The following WWC2 variants were observed in gnomAD, a reference collection of about 807,000 sequenced individuals.
WWC2 encodes the protein protein WWC2.
WWC2 carries 101 observed loss-of-function variants against 138.5 expected under a neutral mutation model. That is an observed-to-expected ratio of 0.73 (90% CI 0.62 to 0.86). WWC2 has a LOEUF of 0.86. Ranked by LOEUF, WWC2 falls within the 40% of genes least tolerant of loss-of-function variation. The pLI, the probability that WWC2 is intolerant of heterozygous loss-of-function variation, is 0.00. For synonymous variants in WWC2, 558 were observed against 538.4 expected (o/e 1.04, Z -0.50); for missense variants, 1,420 against 1,419.4 (o/e 1.00, Z -0.01).
In WWC2 at chr4:183,317,930, T is replaced by C. The variant is rs185536982; in HGVS notation, c.*2201T>C. ...CATGAGAGATGAACTTATTTTAATATAATCCTTTTTCTACACTTTAAAAGT... is the reference window on the plus strand; with the variant it reads ...CATGAGAGATGAACTTATTTTAATACAATCCTTTTTCTACACTTTAAAAGT... On this transcript the variant is annotated 3_prime_UTR_variant, in exon 23 of 23. Coordinates refer to ENST00000403733, the MANE Select transcript of WWC2 (RefSeq NM_024949.6). The C allele has an allele frequency of 6.6e-6, 1 of 152,306 alleles. No individual in the cohort carries two copies. The highest frequency in any genetic ancestry group is 1.9e-4 in the East Asian group (1 of 5,188). 9.4% of individuals were successfully genotyped at this position (152,306 alleles called of 1,614,324 possible). A position where few individuals can be genotyped will look rare whatever the true frequency, so the allele number is the denominator to read the frequency against.
In WWC2 at chr4:183,310,593, C is replaced by T. The variant is rs117503648; in HGVS notation, c.3385-1748C>T. The stretch of plus-strand genomic sequence containing the variant: ...ATAGCTCACTGCAGCCTTAAACTCC[C>T]AGGCTCAAGTGATCCTTTCACCTCA... On this transcript the variant is annotated intron_variant, in intron 21 of 22. Transcript: ENST00000403733. Among the ~76,000 whole-genome samples, 46 of 151,980 alleles carry T rather than the reference C, an allele frequency of 3.0e-4. No individual in the cohort carries two copies. In the East Asian group the frequency reaches 8.9e-3, roughly 29 times the overall value.
chr4:183,270,953 A>AC, intron 15 of WWC2, 127 bp from the exon 16 acceptor site: 1 of 824,614 alleles, frequency 1.2e-6, no homozygotes, highest in Non-Finnish European at 1.7e-6. Flanking sequence ...ATGTCAGGAG[A>AC]ATTGTGTTTT....
At chr4:183,268,724 T>A (rs537032464) in intron 14 of WWC2, among the ~76,000 whole-genome samples, 202 of 152,292 alleles carry the variant, frequency 1.3e-3, no homozygotes, top group Non-Finnish European at 2.5e-3. Flanking sequence ...ATCATGTGCC[T>A]TTGCTGCAGT....
At chr4:183,177,722 T>C (rs1734505831) in intron 1 of WWC2, among the ~76,000 whole-genome samples, 1 of 152,230 alleles carries the variant, frequency 6.6e-6, no homozygotes, top group Non-Finnish European at 1.5e-5. Flanking sequence ...TAAATAGTCA[T>C]CTTTGAAATG....
intron 1 of WWC2, among the ~76,000 whole-genome samples, chr4:183,112,537 GTCACTCATTCA>G (rs1732267991): frequency 1.3e-5 from 2 of 152,158 alleles, no homozygotes; most frequent in Admixed American, 6.5e-5. Context: ...CATTCACTCA[GTCACTCATTCA>G]TTCATTCAAT....
chr4:183,152,992 C>A (rs1475403794), intron 1 of WWC2, among the ~76,000 whole-genome samples: 1 of 152,146 alleles, frequency 6.6e-6, no homozygotes, highest in Non-Finnish European at 1.5e-5. Flanking sequence ...AATCCCTGGG[C>A]TCAAGTGATC....
In WWC2 at chr4:183,099,384, C is replaced by T. The variant is rs536638774; in HGVS notation, c.-108C>T. The T allele has an allele frequency of 7.1e-4, 801 of 1,127,146 alleles. 15 individuals carry two copies. The South Asian group carries it at 0.031, about 43-fold the overall frequency. The allele number at this position is 1,127,146 out of a possible 1,614,324, so 69.8% of individuals were successfully genotyped here. A position where few individuals can be genotyped will look rare whatever the true frequency, so the allele number is the denominator to read the frequency against. On this transcript the variant is annotated 5_prime_UTR_variant, in exon 1 of 23. Transcript: ENST00000403733. Reference sequence around the variant, plus strand: ...CCGCGCCCTGCGCCCCTCAGCCCCTCGCCGGCGCCCGCGTCGCGGGTTGGC... The same window carrying T: ...CCGCGCCCTGCGCCCCTCAGCCCCTTGCCGGCGCCCGCGTCGCGGGTTGGC...
rs1553968973 is a variant in WWC2, at chr4:183,224,550, G to GTTTTGTTTTTAT, written c.522+15535_522+15536insATTTTTGTTTTT. On this transcript the variant is annotated intron_variant, in intron 4 of 22. Transcript: ENST00000403733. ...CCAACAGAGTTGAGGTTTTTGTTTA[G>GTTTTGTTTTTAT]TTTTGTTTTTGTTTTTTGTTTATTT... is the stretch of plus-strand genomic sequence containing the variant. 1.6e-3 allele frequency among the ~76,000 whole-genome samples: 243 copies of GTTTTGTTTTTAT among 151,812 alleles called. 1 individual carries two copies. Among genetic ancestry groups the GTTTTGTTTTTAT allele is most frequent in the African/African-American group, 5.5e-3 (228 of 41,360 alleles).
At chr4:183,105,846 C>T (rs961899599) in intron 1 of WWC2, among the ~76,000 whole-genome samples, 4 of 149,128 alleles carry the variant, frequency 2.7e-5, no homozygotes, top group South Asian at 2.1e-4. Context: ...GCAGACATTG[C>T]GCCAATGCAC....
At chr4:183,127,663 G>A (rs944638007) in intron 1 of WWC2, among the ~76,000 whole-genome samples, 1 of 152,014 alleles carries the variant, frequency 6.6e-6, no homozygotes, top group Non-Finnish European at 1.5e-5. Context: ...CAAAAAGGGG[G>A]GAATAACTAT....
chr4:183,280,313 G>A lies in WWC2; in HGVS notation c.2563-463G>A, dbSNP rs140069170. The stretch of plus-strand genomic sequence containing the variant: ...GCAGCTTAGGAATGGCAAATGCCAT[G>A]ACAGGAATATCATGTAGAATATTGA... On this transcript the variant is annotated intron_variant, in intron 16 of 22. Coordinates refer to ENST00000403733, the MANE Select transcript of WWC2 (RefSeq NM_024949.6). Among the ~76,000 whole-genome samples, 26 of 128,046 alleles carry A rather than the reference G, an allele frequency of 2.0e-4. 1 individual carries two copies. The East Asian group carries it at 6.4e-3, about 31-fold the overall frequency. The allele number at this position is 128,046 out of a possible 152,430, so 84.0% of individuals were successfully genotyped here. A position where few individuals can be genotyped will look rare whatever the true frequency, so the allele number is the denominator to read the frequency against.
At chr4:183,155,756 C>T (rs1266634312) in intron 1 of WWC2, among the ~76,000 whole-genome samples, 1 of 152,130 alleles carries the variant, frequency 6.6e-6, no homozygotes, top group Non-Finnish European at 1.5e-5. Context: ...TCACTCAGTC[C>T]TTTTCTGTAC....
chr4:183,225,079 C>G (rs965987719), intron 4 of WWC2, among the ~76,000 whole-genome samples: 8 of 151,788 alleles, frequency 5.3e-5, no homozygotes, highest in African/African-American at 1.9e-4. Flanking sequence ...TTTTTTTGCA[C>G]TAGACCTGGA....
intron 1 of WWC2, among the ~76,000 whole-genome samples, chr4:183,147,706 GTTTTAA>G (rs1733502403): frequency 6.6e-6 from 1 of 152,300 alleles, no homozygotes; most frequent in African/African-American, 2.4e-5. Flanking sequence ...TAGGATTTCA[GTTTTAA>G]TTTTGTTATG....
intron 16 of WWC2, among the ~76,000 whole-genome samples, chr4:183,279,571 T>G (rs1039454154): frequency 2.6e-5 from 4 of 152,166 alleles, no homozygotes; most frequent in Non-Finnish European, 4.4e-5. Context: ...CTCCTTGTAC[T>G]TCTGGTAGAA....
chr4:183,317,803 C>T lies in WWC2; in HGVS notation c.*2074C>T, dbSNP rs1739489866. The T allele has an allele frequency of 6.6e-6, 1 of 152,108 alleles. No individual in the cohort carries two copies. The highest frequency in any genetic ancestry group is 2.1e-4 in the South Asian group (1 of 4,824). The allele number at this position is 152,108 out of a possible 1,614,324, so 9.4% of individuals were successfully genotyped here. A position where few individuals can be genotyped will look rare whatever the true frequency, so the allele number is the denominator to read the frequency against. On this transcript the variant is annotated 3_prime_UTR_variant, in exon 23 of 23. Transcript: ENST00000403733. The stretch of plus-strand genomic sequence containing the variant: ...TGACTTTTTGTAATACAAAAAGTTT[C>T]AGACAAGTATTAAAGAATAAAATCT...
chr4:183,113,398 G>C (rs919295012), intron 1 of WWC2, among the ~76,000 whole-genome samples: 1 of 151,826 alleles, frequency 6.6e-6, no homozygotes, highest in Non-Finnish European at 1.5e-5. Context: ...GTCCTATCAT[G>C]TATGCCTTGT....
intron 21 of WWC2, among the ~76,000 whole-genome samples, chr4:183,291,706 A>C (rs1209970724): frequency 2.6e-5 from 4 of 152,158 alleles, no homozygotes; most frequent in African/African-American, 9.7e-5. Context: ...ATAGGACTTA[A>C]ATTTTTTTAC....
chr4:183,297,953 A>G (rs1353996264), intron 21 of WWC2, among the ~76,000 whole-genome samples: 1 of 152,244 alleles, frequency 6.6e-6, no homozygotes, highest in African/African-American at 2.4e-5. Flanking sequence ...TTCAACAGAA[A>G]GGCCATGGCA....
Sources: gnomAD v4.1 joint callset for allele counts (sites outside exome capture counted in the v4.1 genomes callset) on GRCh38, gnomAD v4.1.1 for gene constraint, MANE v1.5 for transcripts, NCBI Gene and HGNC (gene_info 2026-07-23, HGNC 2026-07-21) for gene names.